The following ADGRL3 variants were observed in gnomAD, a reference collection of about 807,000 sequenced individuals.
ADGRL3 encodes calcium-independent alpha-latrotoxin receptor 3.
In ADGRL3, 62 loss-of-function variants were observed where a neutral mutation model predicts 153.5. The observed-to-expected ratio is 0.40, with a 90% CI of 0.33 to 0.50. ADGRL3 has a LOEUF of 0.50. ADGRL3 is among the 20% of genes least tolerant of loss of function. The probability of loss-of-function intolerance (pLI) is 0.47; values close to 1 mark genes in which losing one functional copy is unlikely to be tolerated. For synonymous variants in ADGRL3, 710 were observed against 672.5 expected (o/e 1.06, Z -0.86); for missense variants, 1,641 against 1,859.4 (o/e 0.88, Z 2.16).
chr4:61,659,512 T>C (rs988054907), intron 5 of ADGRL3, among the ~76,000 whole-genome samples: 2 of 152,130 alleles, frequency 1.3e-5, no homozygotes, highest in African/African-American at 2.4e-5. Flanking sequence ...ATAATCTAAT[T>C]TGCTATTTAA....
chr4:61,263,081 ATATAT>A (rs1340727795), intron 1 of ADGRL3, among the ~76,000 whole-genome samples: 6 of 152,106 alleles, frequency 3.9e-5, no homozygotes, highest in African/African-American at 1.4e-4. Context: ...TGCAATCTTG[ATATAT>A]TTATTTATTA....
At chr4:61,239,208 A>T (rs1156948876) in intron 1 of ADGRL3, among the ~76,000 whole-genome samples, 5 of 152,212 alleles carry the variant, frequency 3.3e-5, no homozygotes, top group Non-Finnish European at 1.5e-5. Flanking sequence ...GATGAAATGT[A>T]CATCTAAACT....
chr4:61,628,432 T>C (rs957266123), intron 5 of ADGRL3, among the ~76,000 whole-genome samples: 4 of 152,198 alleles, frequency 2.6e-5, no homozygotes, highest in East Asian at 1.9e-4. Context: ...GACAAAGTAT[T>C]CACTTTAAGA....
intron 1 of ADGRL3, among the ~76,000 whole-genome samples, chr4:61,233,912 C>G (rs1052270509): frequency 1.3e-5 from 2 of 151,934 alleles, no homozygotes; most frequent in Non-Finnish European, 2.9e-5. Context: ...TAAAGGTAGT[C>G]TAGGTTAATT....
chr4:61,716,207 T>C (rs1362737117), intron 6 of ADGRL3, among the ~76,000 whole-genome samples: 2 of 152,102 alleles, frequency 1.3e-5, no homozygotes, highest in Non-Finnish European at 2.9e-5. Flanking sequence ...TCTTCTGTTA[T>C]TGAAAGACTG....
At chr4:61,749,828 G>A (rs932660706) in intron 8 of ADGRL3, among the ~76,000 whole-genome samples, 2 of 151,566 alleles carry the variant, frequency 1.3e-5, no homozygotes, top group African/African-American at 4.9e-5. Flanking sequence ...CCTGCACATT[G>A]TACACATGTA....
intron 25 of ADGRL3, 144 bp from the exon 26 acceptor site, chr4:62,068,022 T>C (rs1160868832): frequency 4.0e-6 from 2 of 499,670 alleles, no homozygotes; most frequent in African/African-American, 4.0e-5. Context: ...TAACCCAGAC[T>C]CATGAATTTT....
intron 17 of ADGRL3, among the ~76,000 whole-genome samples, chr4:61,956,032 A>G (rs1183074591): frequency 6.6e-6 from 1 of 152,042 alleles, no homozygotes; most frequent in East Asian, 1.9e-4. Flanking sequence ...AATGATTTAT[A>G]CTCCTTTGGG....
intron 9 of ADGRL3, among the ~76,000 whole-genome samples, chr4:61,816,708 G>A (rs1387260219): frequency 1.3e-5 from 2 of 152,202 alleles, no homozygotes; most frequent in East Asian, 3.9e-4. Context: ...CAAGTGACCT[G>A]TCTGGAACAG....
intron 5 of ADGRL3, among the ~76,000 whole-genome samples, chr4:61,632,217 C>G (rs1336535494): frequency 6.6e-6 from 1 of 151,988 alleles, no homozygotes; most frequent in African/African-American, 2.4e-5. Flanking sequence ...AAATTCCTAC[C>G]TAAAAAAACA....
At chr4:61,983,306 T>G in intron 18 of ADGRL3, 77 bp from the exon 19 acceptor site, 1 of 1,093,452 alleles carries the variant, frequency 9.1e-7, no homozygotes, top group Non-Finnish European at 1.3e-6. Flanking sequence ...TTGGTAAATA[T>G]TTAATTTGGT....
intron 1 of ADGRL3, among the ~76,000 whole-genome samples, chr4:61,257,232 C>T (rs2092053134): frequency 6.6e-6 from 1 of 152,090 alleles, no homozygotes; most frequent in South Asian, 2.1e-4. Context: ...CACATTTGCC[C>T]TCCTATGAAT....
intron 15 of ADGRL3, among the ~76,000 whole-genome samples, chr4:61,937,718 T>C (rs953945965): frequency 2.0e-5 from 3 of 152,178 alleles, no homozygotes; most frequent in Admixed American, 6.5e-5. Flanking sequence ...AGGCCTTGTC[T>C]AATCTTGTTC....
chr4:61,901,112 A>G (rs2098662189), intron 11 of ADGRL3, among the ~76,000 whole-genome samples: 1 of 152,296 alleles, frequency 6.6e-6, no homozygotes, highest in South Asian at 2.1e-4. Flanking sequence ...TATTATTTAC[A>G]TGCAAAGAGA....
chr4:61,932,305 GTT>G lies in ADGRL3; in HGVS notation c.2113-2534_2113-2533del, dbSNP rs577250762. On this transcript the variant is annotated intron_variant, in intron 13 of 26. Coordinates refer to ENST00000683033, the MANE Select transcript of ADGRL3 (RefSeq NM_001387552.1). ...TCAGGTTTTCGTTGTGGAGTATGAT[GTT>G]ATCTAAGAGCTTTTATACATGGCCT... 8.0e-4 allele frequency among the ~76,000 whole-genome samples: 122 copies of G among 152,212 alleles called. 1 individual carries two copies. Among genetic ancestry groups the G allele is most frequent in the Middle Eastern group, 6.8e-3 (2 of 292 alleles).
At chr4:61,344,468 C>CG (rs1379423471) in intron 1 of ADGRL3, among the ~76,000 whole-genome samples, 1 of 152,156 alleles carries the variant, frequency 6.6e-6, no homozygotes, top group Non-Finnish European at 1.5e-5. Flanking sequence ...CCTTGAATAA[C>CG]GTCCCCTAAA....
chr4:61,224,424 C>T (rs1746994327), intron 1 of ADGRL3, among the ~76,000 whole-genome samples: 1 of 152,098 alleles, frequency 6.6e-6, no homozygotes, highest in Non-Finnish European at 1.5e-5. Flanking sequence ...TTAATAGTTT[C>T]CTGATTAAAA....
chr4:61,753,908 A>C (rs921031439), intron 8 of ADGRL3, among the ~76,000 whole-genome samples: 1 of 152,164 alleles, frequency 6.6e-6, no homozygotes, highest in African/African-American at 2.4e-5. Flanking sequence ...AAGCGCCTGG[A>C]GGCTAGGATA....
intron 1 of ADGRL3, among the ~76,000 whole-genome samples, chr4:61,375,979 A>G (rs921119744): frequency 6.6e-6 from 1 of 152,152 alleles, no homozygotes; most frequent in Non-Finnish European, 1.5e-5. Flanking sequence ...TTATTAATAA[A>G]GTATACTGTA....
Sources: allele counts gnomAD v4.1 joint callset (sites outside exome capture counted in the v4.1 genomes callset), GRCh38; gene constraint gnomAD v4.1.1; transcripts MANE v1.5; gene names NCBI Gene and HGNC (gene_info 2026-07-23, HGNC 2026-07-21).